Variants in ST7L observed in about 807,000 individuals in gnomAD.
ST7L encodes the protein suppressor of tumorigenicity 7 protein-like.
Under a neutral mutation model 72.5 loss-of-function variants are expected in ST7L, and 57 were observed. The ratio of observed to expected loss-of-function variants is 0.79; its 90% confidence interval spans 0.64 to 0.98. The LOEUF is 0.98. Among genes scored for constraint, ST7L ranks in the 50% least tolerant of loss-of-function variants. The pLI is 0.00. For synonymous variants in ST7L, 221 were observed against 240.9 expected, an observed-to-expected ratio of 0.92 and a Z score of 0.77; for missense variants, 576 against 672.2, an observed-to-expected ratio of 0.86 and a Z score of 1.58.
At chr1:112,520,392 C>T (rs141296639), downstream of ST7L, 2 of 1,614,002 alleles carry the variant, frequency 1.2e-6, no homozygotes, top group East Asian at 4.5e-5. Flanking sequence ...CCCGTGTTAC[C>T]CAGTGTGAGT....
chr1:112,598,191 G>A (rs1451851766), intron 4 of ST7L, 105 bp from the exon 5 acceptor site: 3 of 668,360 alleles, frequency 4.5e-6, no homozygotes, highest in Non-Finnish European at 7.3e-6. Context: ...ACATTTGGAT[G>A]TTTTAAAATC....
intron 13 of ST7L, among the ~76,000 whole-genome samples, chr1:112,548,889 T>C (rs572840766): frequency 6.6e-6 from 1 of 152,306 alleles, no homozygotes; most frequent in East Asian, 1.9e-4. Flanking sequence ...CCTACATATT[T>C]CCGGTTCTCC....
intron 2 of ST7L, among the ~76,000 whole-genome samples, chr1:112,611,784 G>C (rs752769313): frequency 1.9e-4 from 29 of 152,028 alleles, no homozygotes; most frequent in Middle Eastern, 3.4e-3. Flanking sequence ...AAAACAGTGA[G>C]ACCTCATCTC....
At chr1:112,600,472 T>C (rs1667217730) in intron 4 of ST7L, among the ~76,000 whole-genome samples, 1 of 152,152 alleles carries the variant, frequency 6.6e-6, no homozygotes, top group South Asian at 2.1e-4. Flanking sequence ...GGCATGTGCC[T>C]ATAGTCCCAG....
chr1:112,580,813 A>G (rs568147527), intron 9 of ST7L, among the ~76,000 whole-genome samples: 2 of 152,310 alleles, frequency 1.3e-5, no homozygotes, highest in African/African-American at 2.4e-5. Flanking sequence ...CTGTAGACCC[A>G]GCTACTCGGG....
intron 12 of ST7L, among the ~76,000 whole-genome samples, chr1:112,551,375 C>G (rs1055469467): frequency 6.6e-6 from 1 of 151,954 alleles, no homozygotes; most frequent in Non-Finnish European, 1.5e-5. Flanking sequence ...GTCTCGATCT[C>G]CTGACCTTGT....
chr1:112,553,501 CTTAAAAAAT>C (rs1301175868), intron 12 of ST7L, among the ~76,000 whole-genome samples: 1 of 152,082 alleles, frequency 6.6e-6, no homozygotes, highest in African/African-American at 2.4e-5. Context: ...GTCCAAACAA[CTTAAAAAAT>C]TTATGTTCTG....
intron 9 of ST7L, among the ~76,000 whole-genome samples, chr1:112,579,585 T>C (rs1336441038): frequency 6.6e-6 from 1 of 152,084 alleles, no homozygotes; most frequent in Non-Finnish European, 1.5e-5. Flanking sequence ...TAGATTTATT[T>C]TTCTTAAATT....
intron 6 of ST7L, among the ~76,000 whole-genome samples, chr1:112,588,225 C>A (rs1230551218): frequency 6.6e-6 from 1 of 152,174 alleles, no homozygotes; most frequent in Non-Finnish European, 1.5e-5. Context: ...TAAGATCATG[C>A]CATCTGTGAA....
rs563071596 is a variant in ST7L, at chr1:112,584,142, G to A, written c.702-16C>T. 1 of 1,604,814 alleles carries A rather than the reference G, an allele frequency of 6.2e-7. No individual in the cohort carries two copies. The highest frequency in any genetic ancestry group is 1.1e-5 in the South Asian group (1 of 89,784). On this transcript the variant is annotated splice_polypyrimidine_tract_variant and intron_variant, in intron 6 of 14. Coordinates refer to ENST00000358039, the MANE Select transcript of ST7L (RefSeq NM_017744.5). ...AGTGGCACAGCTATGAAGAAAGCAA[G>A]AAGGCAATTTTAAATAAAATGGTAA... is the stretch of plus-strand genomic sequence containing the variant.
At chr1:112,520,186 A>T, downstream of ST7L, 1 of 1,311,744 alleles carries the variant, frequency 7.6e-7, no homozygotes, top group Non-Finnish European at 1.1e-6. Flanking sequence ...CAAAAAAGCG[A>T]TTCTTTTTAT....
chr1:112,598,929 G>C (rs896237819), intron 4 of ST7L, among the ~76,000 whole-genome samples: 1 of 149,686 alleles, frequency 6.7e-6, no homozygotes, highest in Admixed American at 6.7e-5. Flanking sequence ...ATGTGGTAGC[G>C]GCCGCCTGTG....
upstream of ST7L, chr1:112,619,679 G>A (rs1670511078): frequency 1.7e-6 from 1 of 598,510 alleles, no homozygotes; most frequent in Admixed American, 3.0e-5. Context: ...CGCGGGCGCG[G>A]GCGCTGGCGT....
chr1:112,552,554 G>A (rs888250713), intron 12 of ST7L, among the ~76,000 whole-genome samples: 2 of 152,042 alleles, frequency 1.3e-5, no homozygotes, highest in Non-Finnish European at 1.5e-5. Flanking sequence ...ACAGGCATGC[G>A]CCACTATGCC....
intron 11 of ST7L, chr1:112,570,686 A>C (rs907713332): frequency 3.1e-5 from 14 of 451,748 alleles, no homozygotes; most frequent in Middle Eastern, 3.3e-4. Context: ...GCTTGCTTCC[A>C]GCTGACAGTC....
intron 3 of ST7L, among the ~76,000 whole-genome samples, chr1:112,604,777 A>C (rs1238392099): frequency 2.6e-5 from 1 of 38,234 alleles, no homozygotes; most frequent in Non-Finnish European, 5.8e-5. Flanking sequence ...GTCTCTCTTA[A>C]AAAAAAAAAA....
At chr1:112,612,604 A>G (rs1398814472) in intron 2 of ST7L, among the ~76,000 whole-genome samples, 1 of 152,060 alleles carries the variant, frequency 6.6e-6, no homozygotes, top group Non-Finnish European at 1.5e-5. Flanking sequence ...TGAGAAAATC[A>G]TGGTGCAGCA....
intron 3 of ST7L, among the ~76,000 whole-genome samples, chr1:112,603,717 G>A (rs1184383443): frequency 6.6e-6 from 1 of 152,178 alleles, no homozygotes; most frequent in African/African-American, 2.4e-5. Context: ...CACAATTCTA[G>A]AGGCTAGAAG....
intron 7 of ST7L, among the ~76,000 whole-genome samples, chr1:112,583,384 G>A (rs975143177): frequency 6.6e-6 from 1 of 152,120 alleles, no homozygotes; most frequent in Non-Finnish European, 1.5e-5. Flanking sequence ...AATCATAACT[G>A]GTAGAGCATA....
Sources: gnomAD v4.1 joint callset for allele counts (sites outside exome capture counted in the v4.1 genomes callset) on GRCh38, gnomAD v4.1.1 for gene constraint, MANE v1.5 for transcripts, NCBI Gene and HGNC (gene_info 2026-07-23, HGNC 2026-07-21) for gene names.